POU2F3: variants seen among roughly 807,000 people sequenced by gnomAD.
POU2F3 encodes POU domain, class 2, transcription factor 3.
In POU2F3, 23 loss-of-function variants were observed where a neutral mutation model predicts 59.2. That is an observed-to-expected ratio of 0.39 (90% CI 0.28 to 0.55). The LOEUF (loss-of-function observed/expected upper bound fraction) is 0.55. Ranked by LOEUF, POU2F3 falls within the 20% of genes least tolerant of loss-of-function variation. The pLI, the probability that POU2F3 is intolerant of heterozygous loss-of-function variation, is 0.66. For missense variants in POU2F3, 473 were observed against 544.5 expected (o/e 0.87, Z 1.31); for synonymous variants, 190 against 214.6 (o/e 0.89, Z 1.00).
Position 120,240,380 on chromosome 11 carries a change from C to G in POU2F3, c.28+9C>G. 1 of 1,420,894 alleles carries G rather than the reference C, an allele frequency of 7.0e-7. No homozygotes were observed. Among genetic ancestry groups the G allele is most frequent in the Admixed American group, 2.4e-5 (1 of 42,328 alleles). 88.0% of individuals were successfully genotyped at this position (1,420,894 alleles called of 1,614,324 possible). On this transcript the variant is annotated intron_variant, in intron 1 of 12. Transcript: ENST00000543440. ...GGAGTCCATGCACACAGGTGAGGGG[C>G]GGAGGGAATGAGCTCTGACAGGTGT...
intron 10 of POU2F3, among the ~76,000 whole-genome samples, chr11:120,313,906 C>T (rs1278072566): frequency 6.6e-6 from 1 of 152,084 alleles, no homozygotes; most frequent in Non-Finnish European, 1.5e-5. Flanking sequence ...CCCAGCTACT[C>T]GGGAGATTGA....
chr11:120,248,848 C>T (rs1260085310), intron 2 of POU2F3, among the ~76,000 whole-genome samples: 1 of 152,210 alleles, frequency 6.6e-6, no homozygotes, highest in Non-Finnish European at 1.5e-5. Flanking sequence ...TGGTTACCAA[C>T]TTGGTTTAAT....
Position 120,299,673 on chromosome 11 carries a change from A to G in POU2F3, c.308A>G (p.His103Arg). 5.6e-6 allele frequency: 9 copies of G among 1,613,850 alleles called. No individual in the cohort carries two copies. The highest frequency in any genetic ancestry group is 7.6e-6 in the Non-Finnish European group (9 of 1,180,002). The change falls in exon 5 of 13, where the codon CAC becomes CGC. Residue 103 changes from histidine (H) to arginine (R), a missense_variant. Physicochemically the swap from His to Arg is conservative, Grantham distance 29 (BLOSUM62 0). Coordinates refer to ENST00000543440, the MANE Select transcript of POU2F3 (RefSeq NM_014352.4). ...CAGCAGCTTGTGCTGGTTCCCGGCC[A>G]CTTACAGTCTGTATCCCAGTTCCTG... Reference protein sequence around the residue: ...PLQQLVLVPGHLQSVSQFLLS... With the variant: ...PLQQLVLVPGRLQSVSQFLLS...
upstream of POU2F3, among the ~76,000 whole-genome samples, chr11:120,239,293 C>T (rs184570288): frequency 5.9e-5 from 9 of 152,282 alleles, no homozygotes; most frequent in African/African-American, 9.6e-5. Flanking sequence ...CTTGAAGAGA[C>T]GAAGAGAAAG....
chr11:120,272,652 C>T (rs927737766), intron 3 of POU2F3, among the ~76,000 whole-genome samples: 1 of 152,220 alleles, frequency 6.6e-6, no homozygotes, highest in South Asian at 2.1e-4. Flanking sequence ...GCAACGAATG[C>T]TCATGGCTCA....
chr11:120,302,215 G>GTTGT, intron 5 of POU2F3, 71 bp from the exon 6 acceptor site: 1 of 1,371,268 alleles, frequency 7.3e-7, no homozygotes, highest in Non-Finnish European at 1.0e-6. Context: ...TGGTGCCAAA[G>GTTGT]TTGTAGCACA....
At chr11:120,314,001 G>A (rs1167163334) in intron 10 of POU2F3, among the ~76,000 whole-genome samples, 4 of 152,062 alleles carry the variant, frequency 2.6e-5, no homozygotes, top group East Asian at 1.9e-4. Context: ...GTGACAGAGC[G>A]AGACTCCATC....
rs114076906 is a variant in POU2F3, at chr11:120,295,341, T to C, written c.133-2924T>C. Among the ~76,000 whole-genome samples, 930 of 152,292 alleles carry C rather than the reference T, an allele frequency of 6.1e-3. 10 individuals carry two copies. The highest frequency in any genetic ancestry group is 0.021 in the African/African-American group (890 of 41,560). On this transcript the variant is annotated intron_variant, in intron 3 of 12. Transcript: ENST00000543440. ...GGAACCCTGCCACTTGCCTCCAAGA[T>C]GGAAGTGGGCCAAGCTGCCAGAGGC...
chr11:120,300,666 A>G (rs1028049829), intron 5 of POU2F3, among the ~76,000 whole-genome samples: 4 of 152,136 alleles, frequency 2.6e-5, no homozygotes, highest in African/African-American at 7.2e-5. Context: ...CAGGAGGTTG[A>G]GGCAAGAAAA....
Position 120,276,028 on chromosome 11 carries a change from A to G in POU2F3, c.132+6784A>G, listed in dbSNP as rs937376090. ...ACGGAAAGGTCTCCAAGGACCCAGA[A>G]TGATGGAGAGGTTTCTTCAGGGAGG... On this transcript the variant is annotated intron_variant, in intron 3 of 12. Coordinates refer to ENST00000543440, the MANE Select transcript of POU2F3 (RefSeq NM_014352.4). 3.3e-5 allele frequency among the ~76,000 whole-genome samples: 5 copies of G among 152,202 alleles called. 1 individual carries two copies. The highest frequency in any genetic ancestry group is 1.5e-5 in the Non-Finnish European group (1 of 68,038).
chr11:120,315,255 C>A, intron 10 of POU2F3, 106 bp from the exon 11 acceptor site: 1 of 1,062,048 alleles, frequency 9.4e-7, no homozygotes, highest in Non-Finnish European at 1.4e-6. Context: ...CCAAGGAAGC[C>A]AAGCCCTGGT....
upstream of POU2F3, chr11:120,236,804 C>G: frequency 1.6e-6 from 2 of 1,231,314 alleles, no homozygotes; most frequent in Non-Finnish European, 2.3e-6. Flanking sequence ...TCACCATTCC[C>G]CCTCAACCCT....
At chr11:120,284,174 C>T (rs1940692176) in intron 3 of POU2F3, among the ~76,000 whole-genome samples, 2 of 151,074 alleles carry the variant, frequency 1.3e-5, no homozygotes, top group Non-Finnish European at 2.9e-5. Context: ...AGCAAGACTC[C>T]ATCTCAAAAA....
intron 2 of POU2F3, among the ~76,000 whole-genome samples, chr11:120,247,432 C>T (rs549586521): frequency 5.3e-5 from 8 of 152,250 alleles, no homozygotes; most frequent in African/African-American, 1.9e-4. Flanking sequence ...GGGGTCTTGG[C>T]GGGGAGGGCA....
chr11:120,315,573 T>C, intron 11 of POU2F3, 146 bp downstream of exon 11: 1 of 787,022 alleles, frequency 1.3e-6, no homozygotes, highest in Non-Finnish European at 2.0e-6. Flanking sequence ...AAGGGTTCTG[T>C]GATCAAATAA....
intron 3 of POU2F3, among the ~76,000 whole-genome samples, chr11:120,284,538 A>G (rs1940706091): frequency 6.6e-6 from 1 of 152,134 alleles, no homozygotes; most frequent in Admixed American, 6.5e-5. Flanking sequence ...CCTAGCCTCT[A>G]GGGACCCGGA....
chr11:120,291,843 C>G (rs7930543), intron 3 of POU2F3, among the ~76,000 whole-genome samples: 1 of 147,928 alleles, frequency 6.8e-6, no homozygotes, highest in Non-Finnish European at 1.5e-5. Flanking sequence ...GAGTCTAGCT[C>G]TGTCGCCCAG....
chr11:120,270,292 G>T (rs961619468), intron 3 of POU2F3, among the ~76,000 whole-genome samples: 1 of 152,062 alleles, frequency 6.6e-6, no homozygotes, highest in Non-Finnish European at 1.5e-5. Context: ...GTATAAGGAC[G>T]GGGTGGAATG....
At chr11:120,292,267 G>A (rs570115727) in intron 3 of POU2F3, among the ~76,000 whole-genome samples, 6 of 152,266 alleles carry the variant, frequency 3.9e-5, no homozygotes, top group African/African-American at 1.4e-4. Context: ...TCTGAGCCTT[G>A]TGCTTATTTG....
Sources: allele counts gnomAD v4.1 joint callset (sites outside exome capture counted in the v4.1 genomes callset), GRCh38; gene constraint gnomAD v4.1.1; transcripts MANE v1.5; gene names NCBI Gene and HGNC (gene_info 2026-07-23, HGNC 2026-07-21).